FMNL2: variants seen among roughly 807,000 people sequenced by gnomAD.
FMNL2 encodes formin like 2.
A neutral mutation model predicts 130.2 loss-of-function variants in FMNL2; 51 were observed. The observed-to-expected ratio is 0.39, with a 90% CI of 0.31 to 0.49. The LOEUF is 0.49. FMNL2 is among the 20% of genes least tolerant of loss of function. FMNL2 has a pLI of 0.85. For synonymous variants in FMNL2, 465 were observed against 467.1 expected, an observed-to-expected ratio of 1.00 and a Z score of 0.06; for missense variants, 977 against 1,316.2, an observed-to-expected ratio of 0.74 and a Z score of 3.99.
At chr2:152,638,911 G>A (rs1222997076) in intron 23 of FMNL2, among the ~76,000 whole-genome samples, 1 of 152,224 alleles carries the variant, frequency 6.6e-6, no homozygotes, top group Non-Finnish European at 1.5e-5. Context: ...GTTGGGAAGT[G>A]GCTGGGGTTT....
rs147174704 is a variant in FMNL2, at chr2:152,608,698, G to A, written c.951+1285G>A. 1.3e-4 allele frequency among the ~76,000 whole-genome samples: 20 copies of A among 152,028 alleles called. No homozygotes were observed. The East Asian group carries it at 2.3e-3, about 18-fold the overall frequency. On this transcript the variant is annotated intron_variant, in intron 10 of 25. Coordinates refer to ENST00000288670, the MANE Select transcript of FMNL2 (RefSeq NM_052905.4). ...TGATGCTGGCCCTGGTGATAAATAC[G>A]TAAAGAGATTGGTGCCTTGTCTCAT...
intron 4 of FMNL2, among the ~76,000 whole-genome samples, chr2:152,556,037 T>G (rs1695184711): frequency 6.6e-6 from 1 of 152,242 alleles, no homozygotes; most frequent in African/African-American, 2.4e-5. Context: ...TTTCTTTCCT[T>G]ACTCTTATAT....
At chr2:152,516,029 T>C (rs1315989464) in intron 1 of FMNL2, among the ~76,000 whole-genome samples, 2 of 152,140 alleles carry the variant, frequency 1.3e-5, no homozygotes, top group Non-Finnish European at 2.9e-5. Flanking sequence ...CAAAAACTAA[T>C]AAATGAGTAA....
At chr2:152,467,016 T>C (rs1579733923) in intron 1 of FMNL2, among the ~76,000 whole-genome samples, 1 of 152,200 alleles carries the variant, frequency 6.6e-6, no homozygotes, top group African/African-American at 2.4e-5. Flanking sequence ...GCTTCACTTA[T>C]AGCCAGAGGG....
At chr2:152,391,816 G>GA in intron 1 of FMNL2, among the ~76,000 whole-genome samples, 1 of 92,542 alleles carries the variant, frequency 1.1e-5, no homozygotes, top group East Asian at 3.3e-4. Context: ...AACTCTATAT[G>GA]TTCTTAATGA....
At chr2:152,510,440 G>C (rs964223327) in intron 1 of FMNL2, among the ~76,000 whole-genome samples, 7 of 152,162 alleles carry the variant, frequency 4.6e-5, no homozygotes, top group African/African-American at 1.7e-4. Context: ...AAAAGATCTT[G>C]ATGTTGTTGA....
At chr2:152,571,524 G>A (rs938486399) in intron 6 of FMNL2, among the ~76,000 whole-genome samples, 2 of 152,144 alleles carry the variant, frequency 1.3e-5, no homozygotes, top group Non-Finnish European at 2.9e-5. Flanking sequence ...AAATATTATA[G>A]TAACCGTTTC....
At chr2:152,483,009 T>C (rs149824252) in intron 1 of FMNL2, among the ~76,000 whole-genome samples, 1 of 152,328 alleles carries the variant, frequency 6.6e-6, no homozygotes, top group Admixed American at 6.5e-5. Context: ...GCACCTATTT[T>C]ATTTTACCTA....
rs535703662 is a variant in FMNL2 at position 152,558,619 on chromosome 2, C to T, written c.360-121C>T. ...TGTGAAGTAGTCTAGGCCTTCCTCC[C>T]TATGTCCTTTCAGGCAATGAAAGTT... On this transcript the variant is annotated intron_variant, in intron 4 of 25. Coordinates refer to ENST00000288670, the MANE Select transcript of FMNL2 (RefSeq NM_052905.4). The T allele has an allele frequency of 1.2e-4, 102 of 833,736 alleles. No individual in the cohort carries two copies. The African/African-American group carries it at 1.7e-3, about 14-fold the overall frequency. 51.6% of individuals were successfully genotyped at this position (833,736 alleles called of 1,614,324 possible). A position where few individuals can be genotyped will look rare whatever the true frequency, so the allele number is the denominator to read the frequency against.
At chr2:152,534,542 G>A (rs1005210453) in intron 2 of FMNL2, among the ~76,000 whole-genome samples, 2 of 147,130 alleles carry the variant, frequency 1.4e-5, no homozygotes, top group Non-Finnish European at 3.0e-5. Flanking sequence ...GTTTCTACAA[G>A]AACTCTTAAG....
At chr2:152,352,241 G>A (rs2105780597) in intron 1 of FMNL2, among the ~76,000 whole-genome samples, 1 of 152,296 alleles carries the variant, frequency 6.6e-6, no homozygotes, top group Non-Finnish European at 1.5e-5. Flanking sequence ...TGCATGTTCA[G>A]TAATAATACA....
At chr2:152,611,253 C>A (rs943330511) in intron 10 of FMNL2, among the ~76,000 whole-genome samples, 3 of 152,108 alleles carry the variant, frequency 2.0e-5, no homozygotes, top group Admixed American at 1.3e-4. Flanking sequence ...GCAGGAGAAT[C>A]GCCTGAACCC....
intron 1 of FMNL2, among the ~76,000 whole-genome samples, chr2:152,409,216 C>T (rs1015485937): frequency 2.6e-5 from 4 of 152,052 alleles, no homozygotes; most frequent in Non-Finnish European, 5.9e-5. Flanking sequence ...AGCTCAAATC[C>T]GACTGCCACA....
At chr2:152,368,114 T>A (rs922479184) in intron 1 of FMNL2, among the ~76,000 whole-genome samples, 37 of 152,186 alleles carry the variant, frequency 2.4e-4, no homozygotes, top group African/African-American at 8.9e-4. Flanking sequence ...GCTTTTTCTG[T>A]TTATTTTCTC....
chr2:152,502,264 C>T (rs1033906731), intron 1 of FMNL2, among the ~76,000 whole-genome samples: 3 of 152,180 alleles, frequency 2.0e-5, no homozygotes, highest in Non-Finnish European at 4.4e-5. Context: ...GTGAAAGCAG[C>T]GTCTATTCAT....
intron 1 of FMNL2, among the ~76,000 whole-genome samples, chr2:152,502,456 G>A (rs2105328254): frequency 6.6e-6 from 1 of 152,370 alleles, no homozygotes; most frequent in Non-Finnish European, 1.5e-5. Context: ...GGAGGCCAAG[G>A]TGGGTGGATC....
chr2:152,504,082 G>T lies in FMNL2; in HGVS notation c.118-17861G>T, dbSNP rs1480407717. Reference sequence around the variant, plus strand: ...GGCACGCGCCTGTAGTCCCAGCTACGCGGGAGGTTGGGGCATGAGAATTGC... The same window carrying T: ...GGCACGCGCCTGTAGTCCCAGCTACTCGGGAGGTTGGGGCATGAGAATTGC... On this transcript the variant is annotated intron_variant, in intron 1 of 25. Coordinates refer to ENST00000288670, the MANE Select transcript of FMNL2 (RefSeq NM_052905.4). Among the ~76,000 whole-genome samples the T allele has an allele frequency of 1.3e-5, 2 of 152,134 alleles. 1 individual carries two copies. The highest frequency in any genetic ancestry group is 4.1e-4 in the South Asian group (2 of 4,828).
chr2:152,538,068 C>G (rs1038539441), intron 2 of FMNL2, among the ~76,000 whole-genome samples: 1 of 152,108 alleles, frequency 6.6e-6, no homozygotes. Flanking sequence ...AGTTAAAAAT[C>G]AGAGAAACAA....
intron 1 of FMNL2, among the ~76,000 whole-genome samples, chr2:152,453,220 T>A (rs1327662130): frequency 2.0e-5 from 1 of 48,882 alleles, no homozygotes; most frequent in Non-Finnish European, 4.4e-5. Context: ...GGGGTGGGGG[T>A]GGGGGTGGGG....
Sources: gnomAD v4.1 joint callset for allele counts (sites outside exome capture counted in the v4.1 genomes callset) on GRCh38, gnomAD v4.1.1 for gene constraint, MANE v1.5 for transcripts, NCBI Gene and HGNC (gene_info 2026-07-23, HGNC 2026-07-21) for gene names.